SLTM: variants seen among roughly 807,000 people sequenced by gnomAD.
The protein encoded by SLTM is SAFB-like transcription modulator.
A neutral mutation model predicts 134.6 loss-of-function variants in SLTM; 43 were observed. The observed-to-expected ratio is 0.32, with a 90% CI of 0.25 to 0.41. SLTM has a LOEUF of 0.41. SLTM is among the 10% of genes least tolerant of loss of function. The probability of loss-of-function intolerance (pLI) is 1.00; values close to 1 mark genes in which losing one functional copy is unlikely to be tolerated. For missense variants in SLTM, 1,055 were observed against 1,288.8 expected, an observed-to-expected ratio of 0.82 and a Z score of 2.78; for synonymous variants, 424 against 432.3, an observed-to-expected ratio of 0.98 and a Z score of 0.24.
intron 16 of SLTM, 148 bp downstream of exon 16, chr15:58,889,282 G>T: frequency 1.0e-6 from 1 of 966,522 alleles, no homozygotes; most frequent in South Asian, 1.7e-5. Context: ...AGTGCACTGG[G>T]TCTACCCCAG....
At chr15:58,912,697 T>C in intron 4 of SLTM, 87 bp from the exon 5 acceptor site, 2 of 1,077,430 alleles carry the variant, frequency 1.9e-6, no homozygotes, top group Non-Finnish European at 2.8e-6. Context: ...GATTATCATT[T>C]GCCTTGTGTT....
intron 11 of SLTM, 38 bp from the exon 12 acceptor site, chr15:58,894,025 A>G (rs1213345050): frequency 1.2e-6 from 2 of 1,600,726 alleles, no homozygotes; most frequent in Non-Finnish European, 1.7e-6. Flanking sequence ...CAGAATGAGT[A>G]CTTCATAATG....
chr15:58,883,692 C>G lies in SLTM; in HGVS notation c.2930G>C (p.Ser977Thr), dbSNP rs374799416. 1.3e-5 allele frequency: 21 copies of G among 1,614,038 alleles called. No individual in the cohort carries two copies. Among genetic ancestry groups the G allele is most frequent in the Non-Finnish European group, 1.8e-5 (21 of 1,180,034 alleles). ...EWHGPPSQGP[S>T]YHDTRRMGDG... Reference sequence around the variant, plus strand: ...ACCCATTCGCCTCGTATCATGATAGCTAGGCCCTTGAGAGGGTGGACCATG... The same window carrying G: ...ACCCATTCGCCTCGTATCATGATAGGTAGGCCCTTGAGAGGGTGGACCATG... Residue 977 changes from serine to threonine, a missense_variant, in exon 20 of 21, where the codon AGC becomes ACC. This residue lies in a region of SLTM where 776 missense variants were observed against 962.2 expected (regional missense o/e 0.81). Transcript: ENST00000380516.
At chr15:58,881,886 T>C (rs940840653) in intron 20 of SLTM, among the ~76,000 whole-genome samples, 27 of 151,784 alleles carry the variant, frequency 1.8e-4, no homozygotes, top group African/African-American at 6.5e-4. Context: ...CATGAGCCAC[T>C]GTGCCCAGCC....
intron 2 of SLTM, among the ~76,000 whole-genome samples, chr15:58,921,831 A>T (rs1287160603): frequency 6.6e-6 from 1 of 151,978 alleles, no homozygotes; most frequent in Non-Finnish European, 1.5e-5. Flanking sequence ...GCTGAAGTGT[A>T]GTGGCATGAT....
At position 58,899,822 on chromosome 15, in the gene SLTM, C is replaced by A. The variant is rs768286189; in HGVS notation, c.705G>T (p.Val235=). 1 of 1,614,162 alleles carries A rather than the reference C, an allele frequency of 6.2e-7. No individual in the cohort carries two copies. The highest frequency in any genetic ancestry group is 8.5e-7 in the Non-Finnish European group (1 of 1,180,014). ...AHEEMEAHTT[V]KEAEDDNISV... Reference sequence around the variant, plus strand: ...AGATGTTGTCATCCTCAGCTTCTTTCACAGTCGTATGAGCTTCCATCTCTT... The same window carrying A: ...AGATGTTGTCATCCTCAGCTTCTTTAACAGTCGTATGAGCTTCCATCTCTT... The change falls in exon 7 of 21, where the codon GTG becomes GTT. Residue 235 remains valine, a synonymous_variant. Transcript: ENST00000380516. This position sits in a 1 kb window ranked among gnomAD's most constrained non-coding sequence, Gnocchi z 5.0.
In SLTM at chr15:58,912,621, G is replaced by C. The variant is rs1289528316; in HGVS notation, c.514-11C>G. The C allele has an allele frequency of 6.3e-7, 1 of 1,595,130 alleles. No individual in the cohort carries two copies. The highest frequency in any genetic ancestry group is 1.1e-5 in the South Asian group (1 of 89,010). On this transcript the variant is annotated splice_polypyrimidine_tract_variant and intron_variant, in intron 4 of 20. Coordinates refer to ENST00000380516, the MANE Select transcript of SLTM (RefSeq NM_024755.4). Reference sequence around the variant, plus strand: ...TTGAGCTTCAATTTCCTAAGTAAAAGGGTATACAATAGCTTTGCTTTATAA... The same window carrying C: ...TTGAGCTTCAATTTCCTAAGTAAAACGGTATACAATAGCTTTGCTTTATAA...
chr15:58,894,314 A>G (rs2034902497), intron 10 of SLTM, 119 bp downstream of exon 10: 2 of 1,448,856 alleles, frequency 1.4e-6, no homozygotes, highest in East Asian at 4.6e-5. Flanking sequence ...AGTAAAAACT[A>G]CAAATACATA....
chr15:58,911,853 GTTGT>G (rs2036294824), intron 5 of SLTM, among the ~76,000 whole-genome samples: 1 of 152,080 alleles, frequency 6.6e-6, no homozygotes. Flanking sequence ...GACTATGCCT[GTTGT>G]AGGAGTGTTA....
rs771267137 is a variant in SLTM at position 58,883,679 on chromosome 15, C to G, written c.2943G>C (p.Thr981=). The G allele has an allele frequency of 6.2e-7, 1 of 1,614,100 alleles. No homozygotes were observed. Among genetic ancestry groups the G allele is most frequent in the African/African-American group, 1.3e-5 (1 of 75,012 alleles). Reference sequence around the variant, plus strand: ...CTGCCCGGCCGTCACCCATTCGCCTCGTATCATGATAGCTAGGCCCTTGAG... The same window carrying G: ...CTGCCCGGCCGTCACCCATTCGCCTGGTATCATGATAGCTAGGCCCTTGAG... ...PPSQGPSYHD[T]RRMGDGRAGA... is the part of the protein sequence containing the mutation. The change falls in exon 20 of 21, where the codon ACG becomes ACC. Residue 981 remains threonine (T), a synonymous_variant. Coordinates refer to ENST00000380516, the MANE Select transcript of SLTM (RefSeq NM_024755.4).
intron 19 of SLTM, among the ~76,000 whole-genome samples, chr15:58,886,325 G>T (rs2034206950): frequency 6.7e-6 from 1 of 149,776 alleles, no homozygotes; most frequent in Non-Finnish European, 1.5e-5. Flanking sequence ...GGAGTGCAGT[G>T]GCACCATCTT....
At chr15:58,916,771 G>T in intron 3 of SLTM, 164 bp downstream of exon 3, 1 of 516,832 alleles carries the variant, frequency 1.9e-6, no homozygotes, top group Non-Finnish European at 3.4e-6. Flanking sequence ...TCTCAATTAT[G>T]AGAGTTAATG....
Position 58,933,401 on chromosome 15 carries a change from C to A in SLTM, c.162+3G>T. 1.3e-6 allele frequency: 2 copies of A among 1,577,726 alleles called. No homozygotes were observed. The highest frequency in any genetic ancestry group is 1.7e-6 in the Non-Finnish European group (2 of 1,162,220). On this transcript the variant is annotated splice_donor_region_variant and intron_variant, in intron 1 of 20. Coordinates refer to ENST00000380516, the MANE Select transcript of SLTM (RefSeq NM_024755.4). Reference sequence around the variant, plus strand: ...GTCCTTTCCGGTCCTCGCCGGGCCTCACCTGCTTGAGTCGGGAGATGAGCA... The same window carrying A: ...GTCCTTTCCGGTCCTCGCCGGGCCTAACCTGCTTGAGTCGGGAGATGAGCA...
intron 16 of SLTM, 149 bp downstream of exon 16, chr15:58,889,281 G>C (rs1189353933): frequency 1.1e-6 from 1 of 937,296 alleles, no homozygotes; most frequent in African/African-American, 1.7e-5. Flanking sequence ...TAGTGCACTG[G>C]GTCTACCCCA....
chr15:58,885,163 C>A (rs1172862984), intron 19 of SLTM, among the ~76,000 whole-genome samples: 1 of 152,182 alleles, frequency 6.6e-6, no homozygotes, highest in African/African-American at 2.4e-5. Context: ...ATGGCACTTA[C>A]AAGGTGCTAC....
At position 58,913,309 on chromosome 15, in the gene SLTM, A is replaced by G. The variant is rs748251801; in HGVS notation, c.513+190T>C. Among the ~76,000 whole-genome samples, 5 of 152,146 alleles carry G rather than the reference A, an allele frequency of 3.3e-5. No homozygotes were observed. The East Asian group carries it at 5.8e-4, about 18-fold the overall frequency. On this transcript the variant is annotated intron_variant, in intron 4 of 20. Coordinates refer to ENST00000380516, the MANE Select transcript of SLTM (RefSeq NM_024755.4). ...CTCTATAACAACTATGTATAAATAT[A>G]TATTATATGAAATAAGCAAAAATTT...
At chr15:58,905,280 G>T (rs922213216) in intron 5 of SLTM, among the ~76,000 whole-genome samples, 5 of 152,236 alleles carry the variant, frequency 3.3e-5, no homozygotes, top group Admixed American at 3.3e-4. Flanking sequence ...AGGAAAGAAT[G>T]AGTTATGCTT....
At chr15:58,921,679 T>A in intron 2 of SLTM, 1 of 301,296 alleles carries the variant, frequency 3.3e-6, no homozygotes. Context: ...AAATCTCACA[T>A]TAGCTTTGGA....
chr15:58,898,750 A>C, intron 8 of SLTM, 53 bp downstream of exon 8: 1 of 1,397,304 alleles, frequency 7.2e-7, no homozygotes, highest in African/African-American at 1.4e-5. Flanking sequence ...ACTACTTTTT[A>C]ATGAAAATAC....
Sources: gnomAD v4.1 joint callset for allele counts (sites outside exome capture counted in the v4.1 genomes callset) on GRCh38, gnomAD v4.1.1 for gene constraint, gnomAD v4.1.1 regional missense constraint, Gnocchi (gnomAD v3.1) non-coding constraint, MANE v1.5 for transcripts, NCBI Gene and HGNC (gene_info 2026-07-23, HGNC 2026-07-21) for gene names.